Variants in LPP observed in about 807,000 individuals in gnomAD.
The protein encoded by LPP is LIM domain containing preferred translocation partner in lipoma.
A neutral mutation model predicts 60.4 loss-of-function variants in LPP; 38 were observed. That is an observed-to-expected ratio of 0.63 (90% CI 0.49 to 0.83). The LOEUF (loss-of-function observed/expected upper bound fraction) is 0.83. LPP is among the 40% of genes least tolerant of loss of function. LPP has a pLI of 0.00. For missense variants in LPP, 902 were observed against 783.6 expected, an observed-to-expected ratio of 1.15 and a Z score of -1.80; for synonymous variants, 328 against 290.8, an observed-to-expected ratio of 1.13 and a Z score of -1.30.
At chr3:188,650,133 A>C (rs557478646) in intron 7 of LPP, among the ~76,000 whole-genome samples, 3 of 152,332 alleles carry the variant, frequency 2.0e-5, no homozygotes, top group East Asian at 3.9e-4. Context: ...TATGCCCTCT[A>C]TATGGCAAGC....
intron 1 of LPP, among the ~76,000 whole-genome samples, chr3:188,185,582 TC>T (rs1163269118): frequency 3.9e-5 from 6 of 152,294 alleles, no homozygotes; most frequent in African/African-American, 1.4e-4. Context: ...TGGATAACTC[TC>T]TTTTCCCCTA....
At chr3:188,386,260 GCGCGCACACACACACA>G (rs1475980170) in intron 3 of LPP, among the ~76,000 whole-genome samples, 51 of 96,826 alleles carry the variant, frequency 5.3e-4, no homozygotes, top group African/African-American at 1.1e-3. Flanking sequence ...GTCATAGCAT[GCGCGCACACACACACA>G]CACACACACA....
At chr3:188,846,401 A>G (rs1761407469) in intron 9 of LPP, among the ~76,000 whole-genome samples, 1 of 152,106 alleles carries the variant, frequency 6.6e-6, no homozygotes, top group Non-Finnish European at 1.5e-5. Context: ...ATATGTGTAG[A>G]GGCTGGGTGC....
chr3:188,700,558 C>T (rs931071167), intron 7 of LPP, among the ~76,000 whole-genome samples: 124 of 152,304 alleles, frequency 8.1e-4, no homozygotes, highest in African/African-American at 2.9e-3. Context: ...TTTTTCTTCT[C>T]CACTCAGAAA....
intron 3 of LPP, among the ~76,000 whole-genome samples, chr3:188,387,978 A>G (rs1054148379): frequency 6.6e-6 from 1 of 151,378 alleles, no homozygotes; most frequent in Non-Finnish European, 1.5e-5. Context: ...CATCTCCCCT[A>G]TCATGCTAGT....
intron 2 of LPP, among the ~76,000 whole-genome samples, chr3:188,333,057 A>G (rs1238327278): frequency 1.3e-5 from 2 of 152,188 alleles, no homozygotes; most frequent in African/African-American, 4.8e-5. Flanking sequence ...TAATTTTTCT[A>G]TATTTCCAAG....
intron 1 of LPP, among the ~76,000 whole-genome samples, chr3:188,170,324 CTTTTCT>C (rs1360166301): frequency 0.018 from 2,291 of 129,546 alleles, 28 homozygotes; most frequent in African/African-American, 0.063. Flanking sequence ...CTTTTCTTTT[CTTTTCT>C]TTTTTTTTTT....
intron 6 of LPP, among the ~76,000 whole-genome samples, chr3:188,602,107 TACAC>T (rs1373802129): frequency 7.3e-6 from 1 of 136,458 alleles, no homozygotes; most frequent in African/African-American, 2.8e-5. Context: ...CATATACATA[TACAC>T]ACACACACAT....
chr3:188,228,803 G>A (rs1452542428), intron 2 of LPP, among the ~76,000 whole-genome samples: 1 of 152,130 alleles, frequency 6.6e-6, no homozygotes, highest in African/African-American at 2.4e-5. Context: ...CTGAGAATTA[G>A]GAACAATAAT....
chr3:188,734,660 C>A (rs535165639), intron 8 of LPP, among the ~76,000 whole-genome samples: 36 of 152,350 alleles, frequency 2.4e-4, no homozygotes, highest in African/African-American at 8.7e-4. Flanking sequence ...GCCTGTGGAA[C>A]CTCCTTCCCT....
intron 2 of LPP, among the ~76,000 whole-genome samples, chr3:188,251,782 T>C (rs1404010364): frequency 6.6e-6 from 1 of 151,886 alleles, no homozygotes; most frequent in Non-Finnish European, 1.5e-5. Flanking sequence ...TATATCCCAA[T>C]GGTCATTATG....
chr3:188,808,925 A>G (rs1396814017), intron 9 of LPP, among the ~76,000 whole-genome samples: 3 of 152,174 alleles, frequency 2.0e-5, no homozygotes, highest in Non-Finnish European at 4.4e-5. Context: ...AAGTGAGAAC[A>G]TGCAGTGTTT....
At chr3:188,618,015 C>A (rs1033827981) in intron 7 of LPP, among the ~76,000 whole-genome samples, 1 of 152,124 alleles carries the variant, frequency 6.6e-6, no homozygotes, top group African/African-American at 2.4e-5. Flanking sequence ...AAATTTGAAC[C>A]ATTATTGATA....
chr3:188,509,865 T>A (rs1194788288), intron 5 of LPP, among the ~76,000 whole-genome samples: 2 of 93,404 alleles, frequency 2.1e-5, no homozygotes, highest in African/African-American at 3.6e-5. Flanking sequence ...GCTAATTTTT[T>A]TTTTGTTGTT....
chr3:188,428,034 C>T (rs975631935), intron 4 of LPP, among the ~76,000 whole-genome samples: 5 of 152,126 alleles, frequency 3.3e-5, no homozygotes, highest in Admixed American at 1.3e-4. Context: ...AACCCAGGGC[C>T]CTGGTGGTGT....
intron 7 of LPP, among the ~76,000 whole-genome samples, chr3:188,633,256 C>T (rs1042481529): frequency 7.2e-5 from 11 of 152,142 alleles, no homozygotes; most frequent in Non-Finnish European, 1.2e-4. Flanking sequence ...TAAACAGAAC[C>T]CACCCGGGTC....
At chr3:188,503,801 C>T (rs4333076) in intron 5 of LPP, among the ~76,000 whole-genome samples, 112,709 of 151,966 alleles carry the variant, frequency 0.74, 42,600 homozygotes, top group South Asian at 0.82. Flanking sequence ...CTAAGAAAAC[C>T]GGATAATTTT....
rs191721384 is a variant in LPP, at chr3:188,361,566, C to T, written c.-10+19847C>T. On this transcript the variant is annotated intron_variant, in intron 3 of 11. Transcript: ENST00000617246. The stretch of plus-strand genomic sequence containing the variant: ...CCTCCCCTCTCCTCTCCTCTCCTCT[C>T]CTCTCCTTTCATTTTTCCTTTCCTT... Among the ~76,000 whole-genome samples the T allele has an allele frequency of 2.4e-3, 327 of 138,070 alleles. 2 individuals carry two copies. Among genetic ancestry groups the T allele is most frequent in the African/African-American group, 7.7e-3 (286 of 37,208 alleles). The allele number at this position is 138,070 out of a possible 152,430, so 90.6% of individuals were successfully genotyped here.
chr3:188,455,516 T>G (rs942490773), intron 4 of LPP, among the ~76,000 whole-genome samples: 22 of 152,190 alleles, frequency 1.4e-4, no homozygotes, highest in Non-Finnish European at 8.8e-5. Context: ...GCAAAGTAAT[T>G]GATATCATGT....
Sources: gnomAD v4.1 joint callset for allele counts (sites outside exome capture counted in the v4.1 genomes callset) on GRCh38, gnomAD v4.1.1 for gene constraint, MANE v1.5 for transcripts, NCBI Gene and HGNC (gene_info 2026-07-23, HGNC 2026-07-21) for gene names.